PDE4D: variants seen among roughly 807,000 people sequenced by gnomAD.
PDE4D encodes the protein 3',5'-cyclic-AMP phosphodiesterase 4D.
In PDE4D, 24 loss-of-function variants were observed where a neutral mutation model predicts 87.4. The observed-to-expected ratio is 0.27, with a 90% CI of 0.20 to 0.39. The LOEUF is 0.39. Among genes scored for constraint, PDE4D ranks in the 10% least tolerant of loss-of-function variants. The pLI, the probability that PDE4D is intolerant of heterozygous loss-of-function variation, is 1.00. For synonymous variants in PDE4D, 384 were observed against 383.2 expected, an observed-to-expected ratio of 1.00 and a Z score of -0.02; for missense variants, 714 against 1,041.0, an observed-to-expected ratio of 0.69 and a Z score of 4.32.
intron 11 of PDE4D, among the ~76,000 whole-genome samples, chr5:58,982,840 C>T (rs770002368): frequency 6.6e-6 from 1 of 152,192 alleles, no homozygotes; most frequent in Non-Finnish European, 1.5e-5. Flanking sequence ...TGACTAGTAT[C>T]TACAGAATGG....
intron 1 of PDE4D, among the ~76,000 whole-genome samples, chr5:59,647,924 T>G (rs912310042): frequency 2.6e-5 from 4 of 152,198 alleles, no homozygotes; most frequent in Admixed American, 6.5e-5. Context: ...CAGTGATTCT[T>G]AACCCAGAAT....
intron 5 of PDE4D, among the ~76,000 whole-genome samples, chr5:59,072,642 T>C (rs892570857): frequency 7.2e-5 from 11 of 152,184 alleles, no homozygotes; most frequent in African/African-American, 2.2e-4. Context: ...TAAACATCCA[T>C]TGATGGTTTT....
chr5:59,822,624 C>A (rs750034748), intron 1 of PDE4D, among the ~76,000 whole-genome samples: 1 of 152,134 alleles, frequency 6.6e-6, no homozygotes, highest in Non-Finnish European at 1.5e-5. Flanking sequence ...CTAAATAGAT[C>A]TTTACCACTC....
intron 3 of PDE4D, among the ~76,000 whole-genome samples, chr5:59,187,074 C>T (rs922128105): frequency 2.6e-5 from 4 of 151,950 alleles, no homozygotes; most frequent in Non-Finnish European, 5.9e-5. Context: ...GATTTTTATT[C>T]CAATACATAA....
chr5:59,571,513 T>C (rs1821846438), intron 1 of PDE4D, among the ~76,000 whole-genome samples: 1 of 152,192 alleles, frequency 6.6e-6, no homozygotes, highest in African/African-American at 2.4e-5. Context: ...CAATCTTCAA[T>C]ATTCTTTTGA....
At chr5:59,883,710 C>T (rs1035142738) in intron 1 of PDE4D, among the ~76,000 whole-genome samples, 10 of 151,950 alleles carry the variant, frequency 6.6e-5, no homozygotes, top group African/African-American at 2.2e-4. Context: ...TTTAACTTAC[C>T]GATATATGAA....
At chr5:60,236,970 A>AT (rs1278798924) in intron 1 of PDE4D, among the ~76,000 whole-genome samples, 2 of 152,036 alleles carry the variant, frequency 1.3e-5, no homozygotes, top group Non-Finnish European at 2.9e-5. Flanking sequence ...GTTTACAGTT[A>AT]TTTGTTACAG....
At chr5:59,005,169 A>T (rs1455357393) in intron 6 of PDE4D, among the ~76,000 whole-genome samples, 12 of 152,214 alleles carry the variant, frequency 7.9e-5, no homozygotes, top group South Asian at 4.1e-4. Flanking sequence ...GTCTTAAAAC[A>T]TTATGCAGAA....
At chr5:59,025,122 T>C (rs1315243402) in intron 6 of PDE4D, among the ~76,000 whole-genome samples, 1 of 152,152 alleles carries the variant, frequency 6.6e-6, no homozygotes, top group African/African-American at 2.4e-5. Flanking sequence ...GCCTCTTTTG[T>C]GAAATGGGTT....
chr5:60,288,558 T>C (rs1174584608), intron 1 of PDE4D, among the ~76,000 whole-genome samples: 2 of 152,208 alleles, frequency 1.3e-5, no homozygotes, highest in Non-Finnish European at 1.5e-5. Flanking sequence ...GGACTAAAAA[T>C]AGTTAACTAG....
At chr5:60,414,227 A>C (rs1339815204) in intron 1 of PDE4D, among the ~76,000 whole-genome samples, 1 of 152,192 alleles carries the variant, frequency 6.6e-6, no homozygotes, top group African/African-American at 2.4e-5. Flanking sequence ...TTTCTGCCAT[A>C]TTATCCATAC....
At chr5:59,403,650 T>C (rs1360460603) in intron 1 of PDE4D, among the ~76,000 whole-genome samples, 2 of 152,202 alleles carry the variant, frequency 1.3e-5, no homozygotes, top group Non-Finnish European at 2.9e-5. Context: ...CATTTCTTTC[T>C]ATGGCCGAAC....
intron 3 of PDE4D, among the ~76,000 whole-genome samples, chr5:59,973,784 A>G (rs536798779): frequency 1.3e-5 from 2 of 152,230 alleles, no homozygotes; most frequent in African/African-American, 4.8e-5. Flanking sequence ...CATATGATAT[A>G]CTCTACAGTT....
At chr5:60,041,000 TA>T (rs1160945939) in intron 2 of PDE4D, among the ~76,000 whole-genome samples, 1 of 152,194 alleles carries the variant, frequency 6.6e-6, no homozygotes, top group African/African-American at 2.4e-5. Context: ...TTTAGCTGGT[TA>T]AAATAAAAGC....
chr5:60,037,340 AT>A (rs897082101), intron 2 of PDE4D, among the ~76,000 whole-genome samples: 1 of 152,018 alleles, frequency 6.6e-6, no homozygotes, highest in Non-Finnish European at 1.5e-5. Flanking sequence ...AAGGATGAGC[AT>A]TTTTTTTATC....
Position 60,512,550 on chromosome 5 carries a change from T to C in PDE4D, n.70+9501A>G, listed in dbSNP as rs181820322. Among the ~76,000 whole-genome samples the C allele has an allele frequency of 5.6e-4, 86 of 152,276 alleles. 1 individual carries two copies. The highest frequency in any genetic ancestry group is 2.0e-3 in the African/African-American group (82 of 41,548). On this transcript the variant is annotated intron_variant and non_coding_transcript_variant, in intron 1 of 2. Coordinates refer to the PDE4D transcript ENST00000506510. Reference sequence around the variant, plus strand: ...ATTTTTATTCATCCTTTGAGTTAAATATTTCTACCTACCTACCTAGGGAAG... The same window carrying C: ...ATTTTTATTCATCCTTTGAGTTAAACATTTCTACCTACCTACCTAGGGAAG...
chr5:59,763,355 G>C (rs1476018502), intron 1 of PDE4D, among the ~76,000 whole-genome samples: 1 of 151,802 alleles, frequency 6.6e-6, no homozygotes, highest in Non-Finnish European at 1.5e-5. Flanking sequence ...AAAAAAATCT[G>C]AGTCGTGGAT....
chr5:60,289,726 T>A (rs1752722479), intron 1 of PDE4D, among the ~76,000 whole-genome samples: 1 of 152,200 alleles, frequency 6.6e-6, no homozygotes, highest in South Asian at 2.1e-4. Context: ...AAAAGTTTCA[T>A]CCAAGAATGC....
intron 1 of PDE4D, among the ~76,000 whole-genome samples, chr5:59,786,055 G>A (rs1023457229): frequency 4.6e-5 from 7 of 152,042 alleles, no homozygotes; most frequent in East Asian, 3.9e-4. Flanking sequence ...ATGCAGACTC[G>A]TGGGCACTCT....
Sources: allele counts gnomAD v4.1 joint callset (sites outside exome capture counted in the v4.1 genomes callset), GRCh38; gene constraint gnomAD v4.1.1; transcripts MANE v1.5; gene names NCBI Gene and HGNC (gene_info 2026-07-23, HGNC 2026-07-21).